The following NAV2 variants were observed in gnomAD, a reference collection of about 807,000 sequenced individuals.
NAV2 encodes helicase, APC down-regulated 1.
NAV2 carries 54 observed loss-of-function variants against 223.2 expected under a neutral mutation model. The observed-to-expected ratio is 0.24, with a 90% CI of 0.19 to 0.30. The LOEUF (loss-of-function observed/expected upper bound fraction) is 0.30. Ranked by LOEUF, NAV2 falls within the 10% of genes least tolerant of loss-of-function variation. The pLI is 1.00. For synonymous variants in NAV2, 1,279 were observed against 1,239.3 expected (o/e 1.03, Z -0.67); for missense variants, 2,806 against 3,147.5 (o/e 0.89, Z 2.60).
chr11:19,350,859 G>A, exon 1 of NAV2: 1 of 1,237,222 alleles, frequency 8.1e-7, no homozygotes, highest in Non-Finnish European at 1.2e-6. Flanking sequence ...AACTCTGTCT[G>A]GCTGTTGCAT....
intron 1 of NAV2, among the ~76,000 whole-genome samples, chr11:19,768,683 G>T (rs1388795927): frequency 6.6e-6 from 1 of 152,140 alleles, no homozygotes; most frequent in African/African-American, 2.4e-5. Context: ...AGGCACAGAA[G>T]CTTAGGTTCC....
chr11:19,581,132 G>A (rs1291116558), intron 1 of NAV2, among the ~76,000 whole-genome samples: 2 of 152,054 alleles, frequency 1.3e-5, no homozygotes, highest in South Asian at 2.1e-4. Context: ...TTATCTTGTC[G>A]ATTTGTAGGA....
chr11:19,777,122 C>A (rs1182394138), intron 1 of NAV2, among the ~76,000 whole-genome samples: 1 of 151,184 alleles, frequency 6.6e-6, no homozygotes, highest in African/African-American at 2.4e-5. Flanking sequence ...CCTCGGCCGC[C>A]GCGGCCCCAG....
chr11:19,563,096 T>G (rs1414615952), intron 1 of NAV2, among the ~76,000 whole-genome samples: 1 of 152,154 alleles, frequency 6.6e-6, no homozygotes, highest in African/African-American at 2.4e-5. Context: ...CTATGAGAGC[T>G]CTCAGGAAAA....
intron 1 of NAV2, among the ~76,000 whole-genome samples, chr11:19,821,797 A>G (rs1048231426): frequency 1.3e-5 from 2 of 152,314 alleles, no homozygotes; most frequent in Admixed American, 1.3e-4. Flanking sequence ...CAGGGGAAAC[A>G]CTGTGATGGG....
At chr11:19,541,288 C>A (rs1389191620) in intron 1 of NAV2, among the ~76,000 whole-genome samples, 1 of 152,220 alleles carries the variant, frequency 6.6e-6, no homozygotes, top group East Asian at 1.9e-4. Context: ...TCTACTATCC[C>A]ACCCTTTCTA....
At chr11:19,708,191 G>A (rs2049729672), upstream of NAV2, among the ~76,000 whole-genome samples, 1 of 152,136 alleles carries the variant, frequency 6.6e-6, no homozygotes, top group Non-Finnish European at 1.5e-5. Flanking sequence ...CCAAAGAGAT[G>A]TCTTAAGGTT....
chr11:19,714,325 A>G (rs566349034), intron 1 of NAV2: 191 of 510,752 alleles, frequency 3.7e-4, no homozygotes, highest in Middle Eastern at 2.6e-3. Context: ...CCGCAGCAGC[A>G]GCTGTGTGTC....
intron 1 of NAV2, among the ~76,000 whole-genome samples, chr11:19,759,090 C>CT (rs55675583): frequency 1.1e-4 from 7 of 63,870 alleles, no homozygotes; most frequent in South Asian, 7.4e-4. Context: ...CTGAAAGACA[C>CT]TTTTTTTTTT....
At chr11:19,825,377 A>G (rs940786585) in intron 1 of NAV2, among the ~76,000 whole-genome samples, 1 of 151,876 alleles carries the variant, frequency 6.6e-6, no homozygotes, top group Non-Finnish European at 1.5e-5. Flanking sequence ...AATTGGGGCC[A>G]AACAGTAGCA....
At chr11:19,988,335 C>T (rs895182117) in intron 11 of NAV2, among the ~76,000 whole-genome samples, 1 of 152,196 alleles carries the variant, frequency 6.6e-6, no homozygotes, top group Non-Finnish European at 1.5e-5. Context: ...GACTTTGGAA[C>T]TACTTGGTAA....
At chr11:19,432,111 T>A (rs1301759168) in intron 1 of NAV2, among the ~76,000 whole-genome samples, 2 of 150,058 alleles carry the variant, frequency 1.3e-5, no homozygotes, top group African/African-American at 4.9e-5. Flanking sequence ...GGCAAGAGAA[T>A]CACTTGAACC....
At chr11:19,895,305 C>G (rs566054467) in intron 6 of NAV2, among the ~76,000 whole-genome samples, 1 of 151,810 alleles carries the variant, frequency 6.6e-6, no homozygotes, top group South Asian at 2.1e-4. Flanking sequence ...CTACAGATCA[C>G]TACAAAAGTG....
intron 10 of NAV2, among the ~76,000 whole-genome samples, chr11:19,981,517 C>T (rs2050285212): frequency 6.6e-6 from 1 of 152,182 alleles, no homozygotes; most frequent in Non-Finnish European, 1.5e-5. Context: ...GAAATGAATG[C>T]TAAAATTAGT....
intron 1 of NAV2, among the ~76,000 whole-genome samples, chr11:19,750,310 T>G (rs2053702681): frequency 6.6e-6 from 1 of 152,372 alleles, no homozygotes; most frequent in African/African-American, 2.4e-5. Context: ...AGACATTTTC[T>G]GAAAATCTAT....
At position 19,793,226 on chromosome 11, in the gene NAV2, A is replaced by G. The variant is rs868111999; in HGVS notation, c.268-39258A>G. Among the ~76,000 whole-genome samples the G allele has an allele frequency of 2.4e-3, 305 of 127,266 alleles. 1 individual carries two copies. The highest frequency in any genetic ancestry group is 6.1e-3 in the South Asian group (24 of 3,914). The allele number at this position is 127,266 out of a possible 152,430, so 83.5% of individuals were successfully genotyped here. On this transcript the variant is annotated intron_variant, in intron 1 of 37. Transcript: ENST00000349880. The stretch of plus-strand genomic sequence containing the variant: ...TGTCTCAAAAAAAAAAAAAAAAAAA[A>G]AAAGAAAGAAAGAAAGAAAGAAAGG...
intron 1 of NAV2, among the ~76,000 whole-genome samples, chr11:19,734,105 A>G (rs1399725454): frequency 6.6e-6 from 1 of 152,116 alleles, no homozygotes; most frequent in Non-Finnish European, 1.5e-5. Context: ...TGAAGGAAGA[A>G]CTAGGGCAGA....
chr11:20,069,711 C>G (rs1423821514), intron 22 of NAV2, among the ~76,000 whole-genome samples: 1 of 152,160 alleles, frequency 6.6e-6, no homozygotes, highest in Non-Finnish European at 1.5e-5. Flanking sequence ...TCAAGCCAGA[C>G]AGAAAGCAAC....
chr11:20,028,770 A>G (rs866490802), intron 11 of NAV2, among the ~76,000 whole-genome samples: 1 of 152,168 alleles, frequency 6.6e-6, no homozygotes, highest in Non-Finnish European at 1.5e-5. Flanking sequence ...ATATTTGGTA[A>G]CGCTGTCAGT....
Sources: allele counts gnomAD v4.1 joint callset (sites outside exome capture counted in the v4.1 genomes callset), GRCh38; gene constraint gnomAD v4.1.1; transcripts MANE v1.5; gene names NCBI Gene and HGNC (gene_info 2026-07-23, HGNC 2026-07-21).